GRM4: variants seen among roughly 807,000 people sequenced by gnomAD.
GRM4 encodes the protein metabotropic glutamate receptor 4.
A neutral mutation model predicts 81.7 loss-of-function variants in GRM4; 28 were observed. The observed-to-expected ratio is 0.34, with a 90% CI of 0.25 to 0.47. GRM4 has a LOEUF of 0.47. Ranked by LOEUF, GRM4 falls within the 20% of genes least tolerant of loss-of-function variation. The probability of loss-of-function intolerance (pLI) is 1.00; values close to 1 mark genes in which losing one functional copy is unlikely to be tolerated. For synonymous variants in GRM4, 488 were observed against 528.8 expected (o/e 0.92, Z 1.06); for missense variants, 948 against 1,290.0 (o/e 0.73, Z 4.06).
intron 2 of GRM4, among the ~76,000 whole-genome samples, chr6:34,105,655 C>T (rs1424532604): frequency 6.6e-6 from 1 of 152,126 alleles, no homozygotes; most frequent in Non-Finnish European, 1.5e-5. Context: ...TTCACCAGAT[C>T]TCACCATGGC....
At chr6:34,027,786 C>T (rs1217607727) in intron 10 of GRM4, among the ~76,000 whole-genome samples, 1 of 152,236 alleles carries the variant, frequency 6.6e-6, no homozygotes, top group Non-Finnish European at 1.5e-5. Context: ...CCCCGCTCAC[C>T]CTCAGGGCCC....
chr6:34,145,199 G>A (rs1178387336), intron 1 of GRM4, among the ~76,000 whole-genome samples: 1 of 151,596 alleles, frequency 6.6e-6, no homozygotes, highest in Non-Finnish European at 1.5e-5. Flanking sequence ...CCCAGAGCCC[G>A]GGCCGCGGCG....
chr6:34,086,854 G>A (rs1365937816), intron 3 of GRM4, among the ~76,000 whole-genome samples: 1 of 152,216 alleles, frequency 6.6e-6, no homozygotes, highest in African/African-American at 2.4e-5. Flanking sequence ...AGGTGCAGTG[G>A]TTCATGCCTA....
At chr6:34,037,122 T>C (rs1764753091) in intron 8 of GRM4, among the ~76,000 whole-genome samples, 1 of 152,234 alleles carries the variant, frequency 6.6e-6, no homozygotes, top group South Asian at 2.1e-4. Flanking sequence ...TGTGCTGCCC[T>C]ACGGCCCAGC....
intron 3 of GRM4, among the ~76,000 whole-genome samples, chr6:34,063,899 G>A (rs1363078072): frequency 6.6e-6 from 1 of 152,214 alleles, no homozygotes. Flanking sequence ...GGAAGGATGA[G>A]CCACCTGGCT....
chr6:34,027,834 G>C (rs373996935), intron 10 of GRM4, among the ~76,000 whole-genome samples: 44 of 152,336 alleles, frequency 2.9e-4, no homozygotes, highest in East Asian at 1.5e-3. Context: ...GTGGGGCACA[G>C]ATCCCTGGAA....
At position 34,035,641 on chromosome 6, in the gene GRM4, C is replaced by A; in HGVS notation, c.2442+27G>T. ...TTGCTCACTGCCCTCACCTACCCAC[C>A]GTCCACCCCCGGCCCCCACCACTCA... On this transcript the variant is annotated intron_variant, in intron 9 of 10. Coordinates refer to ENST00000538487, the MANE Select transcript of GRM4 (RefSeq NM_000841.4). The surrounding 1 kb of genome is among the most constrained non-coding windows in gnomAD (Gnocchi z 6.6). The A allele has an allele frequency of 7.3e-7, 1 of 1,378,084 alleles. No homozygotes were observed. Among genetic ancestry groups the A allele is most frequent in the South Asian group, 1.3e-5 (1 of 75,628 alleles). 85.4% of individuals were successfully genotyped at this position (1,378,084 alleles called of 1,614,324 possible).
At chr6:34,043,743 C>T (rs1765125889) in intron 6 of GRM4, among the ~76,000 whole-genome samples, 1 of 152,158 alleles carries the variant, frequency 6.6e-6, no homozygotes. Context: ...TCTGGGGTCA[C>T]GAAGCCATCA....
intron 2 of GRM4, among the ~76,000 whole-genome samples, chr6:34,098,346 CG>C (rs888114011): frequency 1.3e-5 from 2 of 152,220 alleles, no homozygotes; most frequent in Non-Finnish European, 2.9e-5. Context: ...TGAGCTGCTC[CG>C]GCCCATGTTC....
chr6:34,127,980 A>G (rs940736070), intron 2 of GRM4, among the ~76,000 whole-genome samples: 2 of 152,200 alleles, frequency 1.3e-5, no homozygotes, highest in Non-Finnish European at 2.9e-5. Flanking sequence ...CAGGGGGCAC[A>G]TGCAGCCCAA....
intron 3 of GRM4, among the ~76,000 whole-genome samples, chr6:34,067,582 TTTCCTCCCTCCCTTTC>T (rs1766550258): frequency 7.5e-6 from 1 of 132,556 alleles, no homozygotes; most frequent in Admixed American, 7.4e-5. Flanking sequence ...CTCTCCCTCC[TTTCCTCCCTCCCTTTC>T]TTCCTCCCTT....
At chr6:34,025,330 T>C (rs1764076249) in intron 10 of GRM4, among the ~76,000 whole-genome samples, 1 of 151,996 alleles carries the variant, frequency 6.6e-6, no homozygotes, top group African/African-American at 2.4e-5. Flanking sequence ...CTGGGGGAAC[T>C]GATAAAACTG....
At chr6:34,027,872 A>G (rs1764210789) in intron 10 of GRM4, among the ~76,000 whole-genome samples, 1 of 152,162 alleles carries the variant, frequency 6.6e-6, no homozygotes, top group African/African-American at 2.4e-5. Flanking sequence ...CAGCTGGGGA[A>G]ACCTTGAGGT....
intron 6 of GRM4, among the ~76,000 whole-genome samples, chr6:34,051,863 T>C (rs551784533): frequency 6.6e-5 from 10 of 152,246 alleles, no homozygotes; most frequent in Admixed American, 6.5e-4. Flanking sequence ...ATAATTCCCA[T>C]TGCACAGGTG....
At chr6:34,071,318 C>A (rs1766815562) in intron 3 of GRM4, among the ~76,000 whole-genome samples, 1 of 138,314 alleles carries the variant, frequency 7.2e-6, no homozygotes, top group Admixed American at 7.2e-5. Flanking sequence ...GAGATACACA[C>A]CACACACACA....
In GRM4 at chr6:34,028,283, G is replaced by A. The variant is rs747099550; in HGVS notation, c.2526C>T (p.Val842=). Reference sequence around the variant, plus strand: ...GCTCCGGGTGGAAGAGGATGATGTAGACTTTGGGCATGTAGAGCATTCCCA... The same window carrying A: ...GCTCCGGGTGGAAGAGGATGATGTAAACTTTGGGCATGTAGAGCATTCCCA... ...VSLGMLYMPK[V]YIILFHPEQN... The change falls in exon 10 of 11, where the codon GTC becomes GTT. Residue 842 remains valine, a synonymous_variant. Coordinates refer to ENST00000538487, the MANE Select transcript of GRM4 (RefSeq NM_000841.4). 2.7e-5 allele frequency: 43 copies of A among 1,613,884 alleles called. No individual in the cohort carries two copies. In the African/African-American group the frequency reaches 4.1e-4, roughly 16 times the overall value.
At chr6:34,131,338 C>A (rs1315426995) in intron 2 of GRM4, among the ~76,000 whole-genome samples, 1 of 152,188 alleles carries the variant, frequency 6.6e-6, no homozygotes, top group Non-Finnish European at 1.5e-5. Flanking sequence ...AAATAAAAAA[C>A]AAAACCATGT....
intron 3 of GRM4, among the ~76,000 whole-genome samples, chr6:34,081,521 A>G (rs1461868937): frequency 6.6e-6 from 1 of 152,260 alleles, no homozygotes; most frequent in African/African-American, 2.4e-5. Context: ...CGCATGCACC[A>G]TTCGTGCCCA....
chr6:34,132,924 C>T lies in GRM4; in HGVS notation c.519+54G>A, dbSNP rs113349748. 6,918 of 1,448,266 alleles carry T rather than the reference C, an allele frequency of 4.8e-3. 57 individuals carry two copies. Among genetic ancestry groups the T allele is most frequent in the Middle Eastern group, 6.3e-3 (35 of 5,516 alleles). The allele number at this position is 1,448,266 out of a possible 1,614,324, so 89.7% of individuals were successfully genotyped here. ...CCAGGCCTGGCACCCTGAAGTGGGG[C>T]GGGCAGAGTCCGTTGGGGGAAGAGC... On this transcript the variant is annotated intron_variant, in intron 2 of 10. Coordinates refer to ENST00000538487, the MANE Select transcript of GRM4 (RefSeq NM_000841.4).
Sources: gnomAD v4.1 joint callset for allele counts (sites outside exome capture counted in the v4.1 genomes callset) on GRCh38, gnomAD v4.1.1 for gene constraint, Gnocchi (gnomAD v3.1) non-coding constraint, MANE v1.5 for transcripts, NCBI Gene and HGNC (gene_info 2026-07-23, HGNC 2026-07-21) for gene names.